Variants in MAGI3 observed in about 807,000 individuals in gnomAD.
MAGI3 encodes membrane associated guanylate kinase, WW and PDZ domain containing 3.
A neutral mutation model predicts 121.8 loss-of-function variants in MAGI3; 43 were observed. The observed-to-expected ratio is 0.35, with a 90% CI of 0.28 to 0.46. MAGI3 has a LOEUF of 0.46. Ranked by LOEUF, MAGI3 falls within the 20% of genes least tolerant of loss-of-function variation. The pLI, the probability that MAGI3 is intolerant of heterozygous loss-of-function variation, is 1.00. For synonymous variants in MAGI3, 553 were observed against 639.3 expected (o/e 0.86, Z 2.04); for missense variants, 1,547 against 1,797.3 (o/e 0.86, Z 2.52).
At chr1:113,559,591 G>A (rs929470833) in intron 2 of MAGI3, among the ~76,000 whole-genome samples, 53 of 150,260 alleles carry the variant, frequency 3.5e-4, no homozygotes, top group African/African-American at 1.2e-3. Context: ...TTTTTGAGAG[G>A]GAGTCTCACT....
intron 1 of MAGI3, among the ~76,000 whole-genome samples, chr1:113,435,218 A>G (rs935198060): frequency 3.9e-5 from 6 of 152,196 alleles, no homozygotes; most frequent in African/African-American, 1.4e-4. Flanking sequence ...TGCCAAATAC[A>G]TAGTGGACAC....
chr1:113,437,886 C>T (rs868566466), intron 1 of MAGI3, among the ~76,000 whole-genome samples: 882 of 10,446 alleles, frequency 0.084, 24 homozygotes, highest in South Asian at 0.16. Flanking sequence ...TTCTCCTTCT[C>T]CTTCTCCTTC....
chr1:113,407,027 A>C (rs1222131969), intron 1 of MAGI3, among the ~76,000 whole-genome samples: 4 of 152,192 alleles, frequency 2.6e-5, no homozygotes, highest in Non-Finnish European at 5.9e-5. Context: ...GGCTGGCACC[A>C]ACTAAATGAG....
chr1:113,683,532 A>G lies in MAGI3; in HGVS notation c.3964A>G (p.Ser1322Gly). The change falls in exon 21 of 21, where the codon AGT becomes GGT. Residue 1322 changes from serine (S) to glycine (G), a missense_variant. Coordinates refer to ENST00000307546, the MANE Select transcript of MAGI3 (RefSeq NM_001142782.2). ...TCGAAGAATAGCAGGCTATACGGGC[A>G]GTAATGCTGAGCAGATCCCAGATGG... is the stretch of plus-strand genomic sequence containing the variant. ...KSRRIAGYTG[S>G]NAEQIPDGKE... 6 of 1,614,028 alleles carry G rather than the reference A, an allele frequency of 3.7e-6. No homozygotes were observed. The highest frequency in any genetic ancestry group is 5.1e-6 in the Non-Finnish European group (6 of 1,179,902).
chr1:113,423,259 T>TC (rs1553183592), intron 1 of MAGI3, among the ~76,000 whole-genome samples: 1 of 120,228 alleles, frequency 8.3e-6, no homozygotes, highest in African/African-American at 3.1e-5. Flanking sequence ...TTTTTTTTTT[T>TC]GGGGGGGGGG....
intron 6 of MAGI3, among the ~76,000 whole-genome samples, chr1:113,600,079 A>G (rs1262358425): frequency 6.6e-6 from 1 of 152,212 alleles, no homozygotes; most frequent in East Asian, 1.9e-4. Flanking sequence ...TCTCAAAATA[A>G]TAAGAGCTAT....
chr1:113,638,289 G>A (rs1222265812), intron 9 of MAGI3, among the ~76,000 whole-genome samples: 2 of 152,214 alleles, frequency 1.3e-5, no homozygotes, highest in African/African-American at 4.8e-5. Context: ...GCGTTCCTTT[G>A]GAAGAGGAGA....
At chr1:113,667,282 G>T (rs986907857) in intron 16 of MAGI3, among the ~76,000 whole-genome samples, 3 of 152,200 alleles carry the variant, frequency 2.0e-5, no homozygotes, top group African/African-American at 7.2e-5. Context: ...AAAATCTGTT[G>T]TTTAGTGTAG....
intron 9 of MAGI3, among the ~76,000 whole-genome samples, chr1:113,625,388 T>A (rs926850193): frequency 6.6e-6 from 1 of 152,226 alleles, no homozygotes; most frequent in African/African-American, 2.4e-5. Flanking sequence ...CAGCATTTTA[T>A]AATTTTTAAT....
At chr1:113,602,888 A>G (rs1325405391) in intron 6 of MAGI3, among the ~76,000 whole-genome samples, 1 of 151,978 alleles carries the variant, frequency 6.6e-6, no homozygotes, top group Non-Finnish European at 1.5e-5. Flanking sequence ...AGACTGTCCC[A>G]CTGCACTCCA....
intron 19 of MAGI3, among the ~76,000 whole-genome samples, chr1:113,676,952 G>T (rs1332447551): frequency 6.6e-6 from 1 of 152,150 alleles, no homozygotes; most frequent in Admixed American, 6.6e-5. Context: ...GTGTGTGTGT[G>T]TTTTTATTTT....
chr1:113,526,408 A>G (rs984272213), intron 1 of MAGI3, among the ~76,000 whole-genome samples: 2 of 152,208 alleles, frequency 1.3e-5, no homozygotes, highest in Non-Finnish European at 2.9e-5. Context: ...CAACCAGACA[A>G]GGGGTTAGGG....
intron 1 of MAGI3, among the ~76,000 whole-genome samples, chr1:113,530,455 G>A (rs1321212204): frequency 6.6e-6 from 1 of 151,974 alleles, no homozygotes; most frequent in Non-Finnish European, 1.5e-5. Context: ...TGAGGGTAGA[G>A]GGTGGGAGGA....
chr1:113,665,058 A>AT (rs145294081), intron 16 of MAGI3, among the ~76,000 whole-genome samples: 1 of 152,042 alleles, frequency 6.6e-6, no homozygotes, highest in Admixed American at 6.5e-5. Flanking sequence ...AAGATAAGTC[A>AT]TTTTTTCCCC....
At position 113,482,791 on chromosome 1, in the gene MAGI3, G is replaced by A. The variant is rs60295684; in HGVS notation, c.317-66724G>A. 4.6e-4 allele frequency among the ~76,000 whole-genome samples: 69 copies of A among 151,554 alleles called. No homozygotes were observed. The East Asian group carries it at 0.012, about 26-fold the overall frequency. On this transcript the variant is annotated intron_variant, in intron 1 of 20. Transcript: ENST00000307546. ...CTTTGGAATTGCTTTGTTAACATCAGAAGCAATATCTAAGATCCCCCTTTT... is the reference window on the plus strand; with the variant it reads ...CTTTGGAATTGCTTTGTTAACATCAAAAGCAATATCTAAGATCCCCCTTTT...
chr1:113,636,116 CT>C (rs1346716569), intron 9 of MAGI3, among the ~76,000 whole-genome samples: 2 of 152,092 alleles, frequency 1.3e-5, no homozygotes, highest in Non-Finnish European at 2.9e-5. Flanking sequence ...ATTCTTCTCT[CT>C]TTTCTTCTTT....
At chr1:113,419,341 T>C (rs758474589) in intron 1 of MAGI3, among the ~76,000 whole-genome samples, 7 of 152,174 alleles carry the variant, frequency 4.6e-5, no homozygotes, top group Non-Finnish European at 7.4e-5. Flanking sequence ...GGTTAACTTA[T>C]ATTTTTATTA....
chr1:113,475,498 T>A (rs1049988077), intron 1 of MAGI3, among the ~76,000 whole-genome samples: 1 of 152,150 alleles, frequency 6.6e-6, no homozygotes, highest in Admixed American at 6.5e-5. Context: ...AATCATGTGG[T>A]TTTGTCGTTG....
At chr1:113,667,685 G>A (rs1033993926) in intron 16 of MAGI3, among the ~76,000 whole-genome samples, 1 of 152,234 alleles carries the variant, frequency 6.6e-6, no homozygotes, top group African/African-American at 2.4e-5. Flanking sequence ...TGGTACAAGA[G>A]GTCTAGCTTT....
Sources: allele counts gnomAD v4.1 joint callset (sites outside exome capture counted in the v4.1 genomes callset), GRCh38; gene constraint gnomAD v4.1.1; transcripts MANE v1.5; gene names NCBI Gene and HGNC (gene_info 2026-07-23, HGNC 2026-07-21).